Variants in GRIK1 observed in about 807,000 individuals in gnomAD.
The protein encoded by GRIK1 is glutamate receptor ionotropic, kainate 1.
GRIK1 carries 69 observed loss-of-function variants against 105.7 expected under a neutral mutation model. That is an observed-to-expected ratio of 0.65 (90% CI 0.54 to 0.80). The LOEUF is 0.80. Ranked by LOEUF, GRIK1 falls within the 30% of genes least tolerant of loss-of-function variation. The pLI, the probability that GRIK1 is intolerant of heterozygous loss-of-function variation, is 0.00. For missense variants in GRIK1, 1,109 were observed against 1,167.3 expected (o/e 0.95, Z 0.73); for synonymous variants, 438 against 431.3 (o/e 1.02, Z -0.19).
At chr21:29,541,355 A>G (rs970379427) in intron 16 of GRIK1, among the ~76,000 whole-genome samples, 6 of 152,170 alleles carry the variant, frequency 3.9e-5, no homozygotes, top group Non-Finnish European at 5.9e-5. Context: ...GCCAGGTTAC[A>G]CCGGGCAAGG....
chr21:29,933,385 G>C (rs916768409), intron 1 of GRIK1, among the ~76,000 whole-genome samples: 1 of 152,174 alleles, frequency 6.6e-6, no homozygotes, highest in East Asian at 1.9e-4. Context: ...TGAGTTGAGT[G>C]GGACATTAAT....
At chr21:29,769,715 C>A (rs1346398648) in intron 1 of GRIK1, among the ~76,000 whole-genome samples, 6 of 152,032 alleles carry the variant, frequency 3.9e-5, no homozygotes, top group Admixed American at 2.6e-4. Flanking sequence ...GACTGGGGAT[C>A]CCTGATACAC....
intron 1 of GRIK1, among the ~76,000 whole-genome samples, chr21:29,935,088 C>G (rs2071702667): frequency 6.6e-6 from 1 of 152,142 alleles, no homozygotes; most frequent in Non-Finnish European, 1.5e-5. Context: ...TAAACACAGG[C>G]AACTCTCCTC....
In GRIK1 at chr21:29,562,866, G is replaced by A. The variant is rs143372631; in HGVS notation, c.2131-1017C>T. 6.6e-3 allele frequency among the ~76,000 whole-genome samples: 700 copies of A among 105,600 alleles called. 2 individuals carry two copies. The highest frequency in any genetic ancestry group is 0.041 in the Middle Eastern group (8 of 194). The allele number at this position is 105,600 out of a possible 152,430, so 69.3% of individuals were successfully genotyped here. On this transcript the variant is annotated intron_variant, in intron 14 of 17. Transcript: ENST00000327783. ...ATGTAATATATGCACATATACATAT[G>A]TACCACTGCTTCATTATCTTTTTTT...
chr21:29,929,901 T>A (rs1020754773), intron 1 of GRIK1, among the ~76,000 whole-genome samples: 1 of 152,202 alleles, frequency 6.6e-6, no homozygotes, highest in Non-Finnish European at 1.5e-5. Context: ...GTAGCCAAGA[T>A]GCAGAGTCAA....
chr21:29,899,930 T>C (rs892137622), intron 1 of GRIK1, among the ~76,000 whole-genome samples: 2 of 152,120 alleles, frequency 1.3e-5, no homozygotes, highest in African/African-American at 4.8e-5. Flanking sequence ...ATTCCTTTAG[T>C]TAGCAAAGAT....
Position 29,577,103 on chromosome 21 carries a change from G to A in GRIK1, c.1991C>T (p.Ser664Leu). The A allele has an allele frequency of 6.2e-7, 1 of 1,612,364 alleles. No individual in the cohort carries two copies. The highest frequency in any genetic ancestry group is 1.1e-5 in the South Asian group (1 of 91,052). The change falls in exon 14 of 18, where the codon TCA (serine) becomes TTA (leucine). Residue 664 changes from serine (S) to leucine (L), a missense_variant. This residue lies in a region of GRIK1 where 264 missense variants were observed against 306.9 expected (regional missense o/e 0.86). Coordinates refer to ENST00000327783, the MANE Select transcript of GRIK1 (RefSeq NM_001330994.2). ...IWWFFTLIII[S>L]SYTANLAAFL... is the part of the protein sequence containing the mutation. Reference sequence around the variant, plus strand: ...GGCAGCCAGATTGGCCGTGTAGGATGAAATGATGATTAGGGTGAAAAACCA... The same window carrying A: ...GGCAGCCAGATTGGCCGTGTAGGATAAAATGATGATTAGGGTGAAAAACCA...
chr21:29,936,117 C>T (rs1285375241), intron 1 of GRIK1, among the ~76,000 whole-genome samples: 2 of 152,142 alleles, frequency 1.3e-5, no homozygotes, highest in Non-Finnish European at 2.9e-5. Flanking sequence ...ATTGATGTAT[C>T]TAGTAAATCA....
intron 6 of GRIK1, among the ~76,000 whole-genome samples, chr21:29,644,258 A>G (rs765603749): frequency 1.3e-5 from 2 of 152,056 alleles, no homozygotes; most frequent in African/African-American, 2.4e-5. Context: ...TTCAATCTTT[A>G]TCATTGTATT....
intron 1 of GRIK1, among the ~76,000 whole-genome samples, chr21:29,701,662 A>G (rs1403830823): frequency 1.3e-5 from 2 of 152,172 alleles, no homozygotes; most frequent in Non-Finnish European, 2.9e-5. Context: ...TTGTATTAAG[A>G]ATAGACTGAA....
At chr21:29,847,183 C>T (rs2068150589) in intron 1 of GRIK1, among the ~76,000 whole-genome samples, 1 of 152,174 alleles carries the variant, frequency 6.6e-6, no homozygotes, top group Non-Finnish European at 1.5e-5. Context: ...CTTTTCTTCA[C>T]TCTCATTGTC....
At chr21:29,620,543 A>G (rs2061961143) in intron 7 of GRIK1, among the ~76,000 whole-genome samples, 2 of 151,960 alleles carry the variant, frequency 1.3e-5, no homozygotes, top group South Asian at 4.1e-4. Flanking sequence ...TTGCTTCCAG[A>G]GAGATCGTCA....
At chr21:29,783,885 C>T (rs1002300759) in intron 1 of GRIK1, among the ~76,000 whole-genome samples, 1 of 152,126 alleles carries the variant, frequency 6.6e-6, no homozygotes, top group African/African-American at 2.4e-5. Context: ...TTACTATTAC[C>T]ATATCAATCA....
chr21:29,699,500 G>A (rs1044327972), intron 1 of GRIK1, among the ~76,000 whole-genome samples: 2 of 152,112 alleles, frequency 1.3e-5, no homozygotes, highest in South Asian at 2.1e-4. Flanking sequence ...CAAACCTGCC[G>A]ACACCTCCAT....
intron 1 of GRIK1, among the ~76,000 whole-genome samples, chr21:29,859,912 T>C (rs1055749238): frequency 1.3e-5 from 2 of 152,208 alleles, no homozygotes; most frequent in African/African-American, 4.8e-5. Context: ...ACGTAACTCA[T>C]GGTTTATAGG....
At chr21:29,682,062 T>C (rs1185227988) in intron 3 of GRIK1, among the ~76,000 whole-genome samples, 1 of 152,208 alleles carries the variant, frequency 6.6e-6, no homozygotes, top group Non-Finnish European at 1.5e-5. Context: ...TGAACTCTTC[T>C]GGGTCAGGGT....
intron 1 of GRIK1, among the ~76,000 whole-genome samples, chr21:29,844,149 C>A (rs1167242857): frequency 6.6e-6 from 1 of 152,026 alleles, no homozygotes; most frequent in Non-Finnish European, 1.5e-5. Flanking sequence ...TTTGTCATTG[C>A]ATTTTTTTTC....
intron 1 of GRIK1, among the ~76,000 whole-genome samples, chr21:29,698,851 T>C (rs1453307051): frequency 6.6e-6 from 1 of 152,220 alleles, no homozygotes; most frequent in Non-Finnish European, 1.5e-5. Context: ...GTCTGTCTTA[T>C]GTGAATATTT....
intron 7 of GRIK1, among the ~76,000 whole-genome samples, chr21:29,634,622 G>A (rs546142209): frequency 2.7e-3 from 315 of 116,584 alleles, no homozygotes; most frequent in African/African-American, 0.012. Context: ...AAGATCTTAC[G>A]GTGCTGAGTG....
Sources: allele counts gnomAD v4.1 joint callset (sites outside exome capture counted in the v4.1 genomes callset), GRCh38; gene constraint gnomAD v4.1.1; regional missense constraint gnomAD v4.1.1; transcripts MANE v1.5; gene names NCBI Gene and HGNC (gene_info 2026-07-23, HGNC 2026-07-21).